Variants in RALGPS1 observed in about 807,000 individuals in gnomAD.
RALGPS1 encodes ras-specific guanine nucleotide-releasing factor RalGPS1.
Under a neutral mutation model 78.8 loss-of-function variants are expected in RALGPS1, and 19 were observed. The ratio of observed to expected loss-of-function variants is 0.24; its 90% confidence interval spans 0.17 to 0.35. The LOEUF is 0.35. Among genes scored for constraint, RALGPS1 ranks in the 10% least tolerant of loss-of-function variants. The pLI is 1.00. For synonymous variants in RALGPS1, 228 were observed against 256.3 expected (o/e 0.89, Z 1.06); for missense variants, 454 against 688.3 (o/e 0.66, Z 3.81).
chr9:127,083,517 T>C (rs2051383406), intron 8 of RALGPS1, among the ~76,000 whole-genome samples: 1 of 152,232 alleles, frequency 6.6e-6, no homozygotes, highest in Admixed American at 6.5e-5. Context: ...AGAAAGTTGC[T>C]GCCTTGCATC....
chr9:127,214,492 A>G (rs907146112), intron 17 of RALGPS1, among the ~76,000 whole-genome samples: 1 of 152,198 alleles, frequency 6.6e-6, no homozygotes, highest in African/African-American at 2.4e-5. Context: ...TATTTTATAC[A>G]TTTGGAAACA....
intron 11 of RALGPS1, among the ~76,000 whole-genome samples, chr9:127,184,733 C>T (rs2060524540): frequency 1.3e-5 from 2 of 152,226 alleles, no homozygotes; most frequent in African/African-American, 4.8e-5. Context: ...AAAACGCAGG[C>T]TCCAAAGAAT....
chr9:127,199,175 G>T (rs918911600), intron 14 of RALGPS1, 109 bp downstream of exon 14: 6 of 993,138 alleles, frequency 6.0e-6, no homozygotes, highest in Non-Finnish European at 9.7e-6. Context: ...ACCCCATGAG[G>T]CTGCTCTGTG....
At chr9:127,092,004 T>C in intron 8 of RALGPS1, 1 of 1,578,852 alleles carries the variant, frequency 6.3e-7, no homozygotes, top group Admixed American at 1.7e-5. Flanking sequence ...CAGGCTTGGC[T>C]GTCAGACACT....
At chr9:127,060,497 G>A (rs2135597521) in intron 7 of RALGPS1, among the ~76,000 whole-genome samples, 1 of 148,716 alleles carries the variant, frequency 6.7e-6, no homozygotes, top group Non-Finnish European at 1.5e-5. Flanking sequence ...TTGAGGGGTT[G>A]GTAAGTATTA....
chr9:127,060,987 C>A (rs551127644), intron 7 of RALGPS1, among the ~76,000 whole-genome samples: 2 of 152,262 alleles, frequency 1.3e-5, no homozygotes, highest in South Asian at 4.2e-4. Context: ...TTCAGTGATG[C>A]CTCTGAGTGA....
intron 8 of RALGPS1, among the ~76,000 whole-genome samples, chr9:127,120,062 T>C (rs1187810393): frequency 6.6e-6 from 1 of 152,228 alleles, no homozygotes; most frequent in Non-Finnish European, 1.5e-5. Context: ...TGTATCAGTG[T>C]TGTCTGGTGT....
chr9:127,202,393 T>C (rs2061681263), intron 14 of RALGPS1, among the ~76,000 whole-genome samples: 1 of 152,146 alleles, frequency 6.6e-6, no homozygotes, highest in Non-Finnish European at 1.5e-5. Context: ...AGATGCCCAG[T>C]AGGTCCCCAT....
intron 8 of RALGPS1, among the ~76,000 whole-genome samples, chr9:127,081,490 C>T (rs2051167174): frequency 6.6e-6 from 1 of 152,278 alleles, no homozygotes; most frequent in Non-Finnish European, 1.5e-5. Flanking sequence ...CTTGCCTGGG[C>T]ATTAGTCAAC....
intron 1 of RALGPS1, among the ~76,000 whole-genome samples, chr9:126,927,475 T>C (rs931118834): frequency 1.3e-5 from 2 of 152,158 alleles, no homozygotes; most frequent in African/African-American, 4.8e-5. Context: ...AGTAATTCAT[T>C]AGGGAATTAT....
intron 11 of RALGPS1, among the ~76,000 whole-genome samples, chr9:127,193,082 C>T (rs568004553): frequency 6.6e-6 from 1 of 152,284 alleles, no homozygotes; most frequent in South Asian, 2.1e-4. Flanking sequence ...GAAAGAGAGA[C>T]TAGAGCTTGC....
intron 11 of RALGPS1, among the ~76,000 whole-genome samples, chr9:127,186,781 T>G (rs948113581): frequency 3.3e-5 from 5 of 152,206 alleles, no homozygotes; most frequent in African/African-American, 1.2e-4. Flanking sequence ...CCCCCCACCC[T>G]TCCTCCAGTT....
At chr9:127,066,127 G>GT (rs2049675745) in intron 7 of RALGPS1, among the ~76,000 whole-genome samples, 1 of 152,198 alleles carries the variant, frequency 6.6e-6, no homozygotes. Context: ...GGCTGGGCAG[G>GT]TAGGCTGGGC....
At chr9:127,105,166 C>T (rs1480610758) in intron 8 of RALGPS1, among the ~76,000 whole-genome samples, 1 of 152,156 alleles carries the variant, frequency 6.6e-6, no homozygotes, top group African/African-American at 2.4e-5. Context: ...AGATGGGTCA[C>T]AAGAAATCTA....
intron 8 of RALGPS1, among the ~76,000 whole-genome samples, chr9:127,130,990 C>G (rs1319380774): frequency 2.0e-5 from 3 of 152,196 alleles, no homozygotes; most frequent in Non-Finnish European, 2.9e-5. Context: ...TGTATTTATT[C>G]TTGTTATGTT....
At chr9:127,009,598 G>A (rs1233830433) in intron 4 of RALGPS1, among the ~76,000 whole-genome samples, 2 of 152,168 alleles carry the variant, frequency 1.3e-5, no homozygotes, top group African/African-American at 4.8e-5. Context: ...CTACTGAAGG[G>A]GTTGTGAGTA....
chr9:127,090,188 C>T (rs1215715252), intron 8 of RALGPS1, among the ~76,000 whole-genome samples: 4 of 152,192 alleles, frequency 2.6e-5, no homozygotes, highest in Non-Finnish European at 5.9e-5. Flanking sequence ...TCCTCTTTGC[C>T]AGCGGAGGTC....
chr9:127,013,722 C>T lies in RALGPS1; in HGVS notation c.217-20709C>T, dbSNP rs146114022. On this transcript the variant is annotated intron_variant, in intron 4 of 18. Coordinates refer to ENST00000259351, the MANE Select transcript of RALGPS1 (RefSeq NM_014636.3). ...TTTCCCCAGTGCCTTTGGGTGATTC[C>T]ACATCTCTAAGGGGGGCGTGCAGGT... Among the ~76,000 whole-genome samples the T allele has an allele frequency of 8.0e-3, 1,219 of 152,244 alleles. 22 individuals are homozygous for T. The highest frequency in any genetic ancestry group is 0.028 in the African/African-American group (1,161 of 41,530).
At chr9:127,194,516 G>A (rs1253632656) in intron 11 of RALGPS1, among the ~76,000 whole-genome samples, 8 of 152,168 alleles carry the variant, frequency 5.3e-5, no homozygotes, top group East Asian at 3.8e-4. Flanking sequence ...GGGTTCAAGC[G>A]ATTCTTCTGC....
Sources: gnomAD v4.1 joint callset for allele counts (sites outside exome capture counted in the v4.1 genomes callset) on GRCh38, gnomAD v4.1.1 for gene constraint, MANE v1.5 for transcripts, NCBI Gene and HGNC (gene_info 2026-07-23, HGNC 2026-07-21) for gene names.